Variants in C4orf51 observed in about 807,000 individuals in gnomAD.
C4orf51 encodes chromosome 4 open reading frame 51, also known as uncharacterized protein C4orf51.
In C4orf51, 25 loss-of-function variants were observed where a neutral mutation model predicts 25.2. That is an observed-to-expected ratio of 0.99 (90% CI 0.72 to 1.39). The LOEUF (loss-of-function observed/expected upper bound fraction) is 1.39, where lower values mean the gene tolerates loss of function less well. C4orf51 is among the 40% of genes most tolerant of loss of function. The pLI is 0.00. For synonymous variants in C4orf51, 100 were observed against 84.5 expected (o/e 1.18, Z -1.01); for missense variants, 252 against 239.6 (o/e 1.05, Z -0.34).
intron 2 of C4orf51, among the ~76,000 whole-genome samples, chr4:145,721,658 G>A (rs979696207): frequency 2.0e-5 from 3 of 152,164 alleles, no homozygotes; most frequent in Admixed American, 2.0e-4. Flanking sequence ...GCAGAGACTG[G>A]GCACAAGGGA....
chr4:145,790,667 A>G, the C4orf51 span, among the ~76,000 whole-genome samples: 1 of 152,172 alleles, frequency 6.6e-6, no homozygotes, highest in African/African-American at 2.4e-5. Flanking sequence ...TTTCTTATGG[A>G]CAAGTCTTGA....
intron 2 of C4orf51, among the ~76,000 whole-genome samples, chr4:145,704,215 G>A (rs1229776532): frequency 6.6e-6 from 1 of 152,152 alleles, no homozygotes; most frequent in South Asian, 2.1e-4. Context: ...TTTTAAAGGT[G>A]TCAGTTCATC....
the C4orf51 span, among the ~76,000 whole-genome samples, chr4:145,792,165 G>T: frequency 6.6e-6 from 1 of 152,102 alleles, no homozygotes; most frequent in Non-Finnish European, 1.5e-5. Flanking sequence ...TTCCTAGGTG[G>T]CAAGTGCTGC....
At chr4:145,746,990 A>G (rs1733402771) in intron 1 of C4orf51, among the ~76,000 whole-genome samples, 1 of 151,918 alleles carries the variant, frequency 6.6e-6, no homozygotes, top group African/African-American at 2.4e-5. Flanking sequence ...CCCTTTTTAA[A>G]TTTCTTTTTC....
intron 2 of C4orf51, 71 bp downstream of exon 2, chr4:145,696,703 T>C: frequency 8.6e-7 from 1 of 1,165,386 alleles, no homozygotes; most frequent in Non-Finnish European, 1.3e-6. Context: ...TCAGGTTCTT[T>C]TTTTTTCTCT....
intron 1 of C4orf51, among the ~76,000 whole-genome samples, chr4:145,695,245 ATC>A (rs1729972437): frequency 6.6e-6 from 1 of 152,196 alleles, no homozygotes; most frequent in African/African-American, 2.4e-5. Context: ...CCTTGCCAGC[ATC>A]TGTTATTTTT....
chr4:145,780,855 T>C, the C4orf51 span, among the ~76,000 whole-genome samples: 111,943 of 152,122 alleles, frequency 0.74, 42,024 homozygotes, highest in Non-Finnish European at 0.81. Context: ...CTGGACACCA[T>C]GTGGTGATAA....
downstream of C4orf51, among the ~76,000 whole-genome samples, chr4:145,737,056 T>A (rs1219526161): frequency 1.3e-5 from 2 of 152,108 alleles, no homozygotes; most frequent in African/African-American, 4.8e-5. Context: ...ATTCATCTCC[T>A]TATCTACCAG....
chr4:145,774,189 A>G (rs1166334709), downstream of C4orf51, among the ~76,000 whole-genome samples: 2 of 152,210 alleles, frequency 1.3e-5, no homozygotes, highest in Non-Finnish European at 2.9e-5. Context: ...GTGCAAAGGC[A>G]TAAGACTGGG....
intron 2 of C4orf51, among the ~76,000 whole-genome samples, chr4:145,705,835 A>G (rs1730774635): frequency 6.6e-6 from 1 of 152,202 alleles, no homozygotes; most frequent in Non-Finnish European, 1.5e-5. Flanking sequence ...ATGCCAAGCC[A>G]AAATAAGGGG....
chr4:145,732,626 G>A lies in C4orf51; in HGVS notation c.*66G>A. The stretch of plus-strand genomic sequence containing the variant: ...CTTAATAAACAACTTTGAGGTATGG[G>A]GCCCTCCCAACACCCTCCCCCCACC... On this transcript the variant is annotated 3_prime_UTR_variant, in exon 6 of 6. Transcript: ENST00000438731. 8.7e-7 allele frequency: 1 copy of A among 1,145,992 alleles called. No homozygotes were observed. 71.0% of individuals were successfully genotyped at this position (1,145,992 alleles called of 1,614,324 possible).
the C4orf51 span, among the ~76,000 whole-genome samples, chr4:145,789,555 C>G: frequency 6.6e-6 from 1 of 152,278 alleles, no homozygotes; most frequent in East Asian, 1.9e-4. Context: ...TATTTTACAA[C>G]ACAACAAAAC....
At chr4:145,719,608 A>AG (rs1553965793) in intron 2 of C4orf51, among the ~76,000 whole-genome samples, 1 of 150,850 alleles carries the variant, frequency 6.6e-6, no homozygotes, top group East Asian at 1.9e-4. Context: ...AAAAAAAAAA[A>AG]GCAGCATCCT....
the C4orf51 span, among the ~76,000 whole-genome samples, chr4:145,791,501 A>G: frequency 6.6e-6 from 1 of 152,210 alleles, no homozygotes; most frequent in East Asian, 1.9e-4. Flanking sequence ...CTGTGAACGT[A>G]TGTCATAATG....
chr4:145,713,060 C>T (rs1244558588), intron 2 of C4orf51, among the ~76,000 whole-genome samples: 2 of 152,130 alleles, frequency 1.3e-5, no homozygotes, highest in Non-Finnish European at 2.9e-5. Context: ...TTGAGACTTA[C>T]CACTTGGAAA....
intron 1 of C4orf51, among the ~76,000 whole-genome samples, chr4:145,743,943 C>T (rs1289093475): frequency 2.0e-5 from 3 of 152,202 alleles, no homozygotes; most frequent in Non-Finnish European, 4.4e-5. Context: ...CCTCCCACCA[C>T]AGTTAGAATC....
intron 1 of C4orf51, among the ~76,000 whole-genome samples, chr4:145,692,175 G>A (rs1002273387): frequency 6.6e-6 from 1 of 152,128 alleles, no homozygotes; most frequent in African/African-American, 2.4e-5. Context: ...GCAAAATGTA[G>A]AATAAGTACT....
the C4orf51 span, among the ~76,000 whole-genome samples, chr4:145,782,778 A>G: frequency 6.6e-6 from 1 of 152,170 alleles, no homozygotes; most frequent in East Asian, 1.9e-4. Context: ...CACCACCCGA[A>G]TGCTTGGCAA....
At chr4:145,756,066 A>C (rs1733927245), downstream of C4orf51, among the ~76,000 whole-genome samples, 1 of 152,148 alleles carries the variant, frequency 6.6e-6, no homozygotes, top group Non-Finnish European at 1.5e-5. Flanking sequence ...GACTAATGAG[A>C]TGTGTCTTCC....
Sources: gnomAD v4.1 joint callset for allele counts (sites outside exome capture counted in the v4.1 genomes callset) on GRCh38, gnomAD v4.1.1 for gene constraint, MANE v1.5 for transcripts, NCBI Gene and HGNC (gene_info 2026-07-23, HGNC 2026-07-21) for gene names.